VEPH1: variants seen among roughly 807,000 people sequenced by gnomAD.
The protein encoded by VEPH1 is ventricular zone-expressed PH domain-containing protein homolog 1.
VEPH1 carries 80 observed loss-of-function variants against 85.2 expected under a neutral mutation model. The observed-to-expected ratio is 0.94, with a 90% CI of 0.78 to 1.13. VEPH1 has a LOEUF of 1.13. Among genes scored for constraint, VEPH1 ranks in the 50% most tolerant of loss-of-function variants. The probability of loss-of-function intolerance (pLI) is 0.00; values close to 1 mark genes in which losing one functional copy is unlikely to be tolerated. For synonymous variants in VEPH1, 297 were observed against 348.0 expected (o/e 0.85, Z 1.63); for missense variants, 955 against 980.5 (o/e 0.97, Z 0.35).
intron 1 of VEPH1, among the ~76,000 whole-genome samples, chr3:157,501,113 G>A (rs947266141): frequency 6.6e-5 from 10 of 152,110 alleles, no homozygotes; most frequent in Admixed American, 2.0e-4. Context: ...TGACTGTACT[G>A]TTCACTAAAT....
At chr3:157,447,272 C>G (rs1734625466) in intron 4 of VEPH1, among the ~76,000 whole-genome samples, 1 of 152,162 alleles carries the variant, frequency 6.6e-6, no homozygotes, top group Non-Finnish European at 1.5e-5. Flanking sequence ...TAGATCAGAT[C>G]CAAGATTTGG....
At chr3:157,470,750 C>T (rs1736866511) in intron 2 of VEPH1, among the ~76,000 whole-genome samples, 1 of 152,140 alleles carries the variant, frequency 6.6e-6, no homozygotes, top group South Asian at 2.1e-4. Flanking sequence ...GTTCTACTAT[C>T]ACCCTTAGAC....
intron 11 of VEPH1, among the ~76,000 whole-genome samples, chr3:157,288,788 G>A (rs1717104578): frequency 6.6e-6 from 1 of 152,172 alleles, no homozygotes; most frequent in Admixed American, 6.5e-5. Context: ...CATGCCCTGG[G>A]CCTAGAAATG....
At chr3:157,367,378 G>A (rs1726824631) in intron 7 of VEPH1, among the ~76,000 whole-genome samples, 1 of 152,120 alleles carries the variant, frequency 6.6e-6, no homozygotes. Context: ...GCTATCTCTA[G>A]ATGCTATTTT....
chr3:157,316,413 G>A (rs556474696), intron 10 of VEPH1, among the ~76,000 whole-genome samples: 1 of 151,118 alleles, frequency 6.6e-6, no homozygotes, highest in African/African-American at 2.4e-5. Flanking sequence ...GGGGTCAGAC[G>A]ATCTGAGTTC....
chr3:157,312,166 A>T (rs1228493294), intron 11 of VEPH1, among the ~76,000 whole-genome samples: 6 of 152,236 alleles, frequency 3.9e-5, no homozygotes, highest in African/African-American at 1.4e-4. Context: ...CCTTTTCAAC[A>T]GTAAAACAAG....
rs574827547 is a variant in VEPH1, at chr3:157,384,519, A to G, written c.907-3143T>C. 6.6e-5 allele frequency among the ~76,000 whole-genome samples: 10 copies of G among 152,360 alleles called. No homozygotes were observed. In the East Asian group the frequency reaches 9.6e-4, roughly 15 times the overall value. On this transcript the variant is annotated intron_variant, in intron 6 of 13. Coordinates refer to ENST00000362010, the MANE Select transcript of VEPH1 (RefSeq NM_001167912.2). ...TTTCATTAAGAATCCTTCTCACTAT[A>G]AAAATTTGCAAGCCCCTTCTTTAAA...
At chr3:157,346,314 G>A (rs543453282) in intron 9 of VEPH1, among the ~76,000 whole-genome samples, 1 of 152,260 alleles carries the variant, frequency 6.6e-6, no homozygotes, top group South Asian at 2.1e-4. Flanking sequence ...GTATACCCTG[G>A]TAGATAAAGC....
At chr3:157,304,704 A>C (rs965935022) in intron 11 of VEPH1, among the ~76,000 whole-genome samples, 1 of 152,186 alleles carries the variant, frequency 6.6e-6, no homozygotes, top group African/African-American at 2.4e-5. Flanking sequence ...TCTTCAAGTA[A>C]ACTGCTCATT....
intron 4 of VEPH1, among the ~76,000 whole-genome samples, chr3:157,448,270 C>T (rs1340528009): frequency 6.6e-6 from 1 of 152,112 alleles, no homozygotes; most frequent in African/African-American, 2.4e-5. Context: ...AATTTGGACT[C>T]TTGATGAGAT....
intron 11 of VEPH1, among the ~76,000 whole-genome samples, chr3:157,304,608 A>G (rs1719260115): frequency 6.6e-6 from 1 of 152,134 alleles, no homozygotes; most frequent in African/African-American, 2.4e-5. Flanking sequence ...GGTCTTTCTC[A>G]TTTCTTCAAT....
chr3:157,295,081 A>G (rs1022487337), intron 11 of VEPH1, among the ~76,000 whole-genome samples: 1 of 152,112 alleles, frequency 6.6e-6, no homozygotes, highest in Non-Finnish European at 1.5e-5. Flanking sequence ...TCAAATTCAC[A>G]TTGTCAAGGT....
chr3:157,312,679 TGA>T (rs1720233192), intron 11 of VEPH1, among the ~76,000 whole-genome samples: 1 of 152,206 alleles, frequency 6.6e-6, no homozygotes. Context: ...TCAGTCCTGT[TGA>T]TTTGACTTTC....
intron 1 of VEPH1, among the ~76,000 whole-genome samples, chr3:157,502,931 A>G (rs920759): frequency 0.66 from 100,857 of 152,080 alleles, 34,104 homozygotes; most frequent in African/African-American, 0.79. Flanking sequence ...TGTTGATTGA[A>G]GTAAACAAAA....
Position 157,261,307 on chromosome 3 carries a change from T to C in VEPH1, c.2329A>G (p.Lys777Glu), listed in dbSNP as rs1184304885. ...SKVQSVKAVAKKRRDRSLPRA... is the reference protein window; with the variant it reads ...SKVQSVKAVAEKRRDRSLPRA... ...GGGAGAGAGCGGTCCCTGCGTTTCTTGGCCACAGCCTTCACACTCTGTACT... is the reference window on the plus strand; with the variant it reads ...GGGAGAGAGCGGTCCCTGCGTTTCTCGGCCACAGCCTTCACACTCTGTACT... Residue 777 changes from lysine to glutamate, a missense_variant, in exon 14 of 14, where the codon AAG (lysine) becomes GAG (glutamate). Physicochemically the swap from Lys to Glu is moderately conservative, Grantham distance 56 (BLOSUM62 1). Transcript: ENST00000362010. 6.2e-7 allele frequency: 1 copy of C among 1,613,644 alleles called. No homozygotes were observed.
At chr3:157,427,943 T>A (rs1732870291) in intron 5 of VEPH1, among the ~76,000 whole-genome samples, 1 of 152,184 alleles carries the variant, frequency 6.6e-6, no homozygotes, top group Admixed American at 6.5e-5. Context: ...AGGGCCCGAA[T>A]AGAACAAAAA....
intron 7 of VEPH1, 112 bp downstream of exon 7, chr3:157,381,043 CT>C: frequency 9.6e-7 from 1 of 1,036,540 alleles, no homozygotes; most frequent in Non-Finnish European, 1.5e-6. Context: ...ATATTATTCT[CT>C]GTTGAGATAC....
At chr3:157,268,093 A>G (rs902169153) in intron 12 of VEPH1, among the ~76,000 whole-genome samples, 3 of 152,346 alleles carry the variant, frequency 2.0e-5, no homozygotes, top group African/African-American at 7.2e-5. Flanking sequence ...CTTTGCTTTG[A>G]TAGGAATTGT....
intron 1 of VEPH1, among the ~76,000 whole-genome samples, chr3:157,502,783 A>C (rs534061841): frequency 6.6e-6 from 1 of 152,356 alleles, no homozygotes; most frequent in Admixed American, 6.5e-5. Flanking sequence ...AAGATATCTG[A>C]AACACCAAAG....
Sources: gnomAD v4.1 joint callset for allele counts (sites outside exome capture counted in the v4.1 genomes callset) on GRCh38, gnomAD v4.1.1 for gene constraint, MANE v1.5 for transcripts, NCBI Gene and HGNC (gene_info 2026-07-23, HGNC 2026-07-21) for gene names.